ANO3: variants seen among roughly 807,000 people sequenced by gnomAD.
ANO3 encodes anoctamin-3.
ANO3 carries 99 observed loss-of-function variants against 144.8 expected under a neutral mutation model. The ratio of observed to expected loss-of-function variants is 0.68; its 90% CI spans 0.58 to 0.81. The LOEUF is 0.81. ANO3 is among the 30% of genes least tolerant of loss of function. The pLI, the probability that ANO3 is intolerant of heterozygous loss-of-function variation, is 0.00. For synonymous variants in ANO3, 414 were observed against 392.6 expected (o/e 1.05, Z -0.64); for missense variants, 905 against 1,202.2 (o/e 0.75, Z 3.66).
At chr11:26,429,558 T>A (rs1489644303) in intron 1 of ANO3, among the ~76,000 whole-genome samples, 1 of 151,702 alleles carries the variant, frequency 6.6e-6, no homozygotes, top group African/African-American at 2.4e-5. Context: ...ATGTGTAATT[T>A]ATATTAATAA....
intron 3 of ANO3, among the ~76,000 whole-genome samples, chr11:26,444,640 T>A (rs1375602874): frequency 6.6e-6 from 1 of 152,214 alleles, no homozygotes; most frequent in Non-Finnish European, 1.5e-5. Flanking sequence ...GAAATTAGTA[T>A]ACGTACTTTT....
chr11:26,595,410 G>A (rs977980158), intron 14 of ANO3, among the ~76,000 whole-genome samples: 9 of 141,646 alleles, frequency 6.4e-5, no homozygotes, highest in Non-Finnish European at 1.4e-4. Context: ...ATGCGAATTC[G>A]TTTTGGAGAG....
At chr11:26,631,376 G>T (rs1267941851) in intron 18 of ANO3, among the ~76,000 whole-genome samples, 1 of 151,570 alleles carries the variant, frequency 6.6e-6, no homozygotes. Context: ...TCTATATAAG[G>T]CAATATTTAT....
chr11:26,378,847 A>G (rs1856493235), intron 1 of ANO3, among the ~76,000 whole-genome samples: 1 of 152,036 alleles, frequency 6.6e-6, no homozygotes, highest in South Asian at 2.1e-4. Context: ...CATATGATGT[A>G]AGGTGCTTGG....
chr11:26,280,057 A>G (rs1377804639), intron 1 of ANO3, among the ~76,000 whole-genome samples: 2 of 152,140 alleles, frequency 1.3e-5, no homozygotes, highest in Non-Finnish European at 2.9e-5. Flanking sequence ...ACCATTTTTG[A>G]TGATGATCTT....
intron 7 of ANO3, 91 bp from the exon 8 acceptor site, chr11:26,531,114 G>A (rs1849359808): frequency 1.4e-6 from 2 of 1,418,244 alleles, no homozygotes; most frequent in Non-Finnish European, 1.9e-6. Context: ...TTTCAAAGAA[G>A]TTTCTTTAGT....
At chr11:26,540,786 T>C (rs920488825) in intron 10 of ANO3, among the ~76,000 whole-genome samples, 1 of 152,066 alleles carries the variant, frequency 6.6e-6, no homozygotes. Flanking sequence ...CATTAAAAAG[T>C]CAGGAAACAA....
rs1472976942 is a variant in ANO3, at chr11:26,289,610, CAT to C, written c.155-20030_155-20029del. Among the ~76,000 whole-genome samples the C allele has an allele frequency of 3.5e-3, 279 of 79,258 alleles. 4 individuals are homozygous for C. The highest frequency in any genetic ancestry group is 7.0e-3 in the African/African-American group (88 of 12,650). 52.0% of individuals were successfully genotyped at this position (79,258 alleles called of 152,430 possible). A position where few individuals can be genotyped will look rare whatever the true frequency, so the allele number is the denominator to read the frequency against. ...ATGTGTGTATATGTACATATACACA[CAT>C]ATATTCTATATGTGTGTATATGTAC... On this transcript the variant is annotated intron_variant, in intron 1 of 27. Coordinates refer to the ANO3 transcript ENST00000672621.
intron 1 of ANO3, among the ~76,000 whole-genome samples, chr11:26,214,261 T>A (rs186654703): frequency 6.6e-6 from 1 of 151,964 alleles, no homozygotes; most frequent in African/African-American, 2.4e-5. Flanking sequence ...AAAATAATTT[T>A]TTTTTTCTGT....
At chr11:26,188,954 T>C (rs1851426036) in exon 1 of ANO3, among the ~76,000 whole-genome samples, 1 of 152,158 alleles carries the variant, frequency 6.6e-6, no homozygotes, top group Non-Finnish European at 1.5e-5. Flanking sequence ...CTAAAATTCA[T>C]CCATCCTATT....
intron 1 of ANO3, among the ~76,000 whole-genome samples, chr11:26,283,317 AATAAAT>A (rs1256571301): frequency 0.012 from 901 of 77,558 alleles, 20 homozygotes; most frequent in African/African-American, 0.032. Flanking sequence ...TAAACAAATA[AATAAAT>A]ATATATATAT....
At chr11:26,630,771 A>G (rs185844641) in intron 18 of ANO3, among the ~76,000 whole-genome samples, 1 of 152,330 alleles carries the variant, frequency 6.6e-6, no homozygotes, top group Non-Finnish European at 1.5e-5. Context: ...AAAGTGGGTT[A>G]TAGTGTCCTT....
chr11:26,476,871 T>G (rs1182483092), intron 4 of ANO3, among the ~76,000 whole-genome samples: 2 of 149,914 alleles, frequency 1.3e-5, no homozygotes, highest in African/African-American at 2.5e-5. Flanking sequence ...AAAAGCAGGC[T>G]AGAAAGCTGT....
intron 1 of ANO3, among the ~76,000 whole-genome samples, chr11:26,373,790 G>A (rs904972580): frequency 6.6e-6 from 1 of 152,236 alleles, no homozygotes; most frequent in African/African-American, 2.4e-5. Context: ...TAATATAAAA[G>A]TAATTAACAG....
intron 4 of ANO3, among the ~76,000 whole-genome samples, chr11:26,503,643 T>A (rs1021283455): frequency 2.0e-5 from 3 of 152,106 alleles, no homozygotes; most frequent in Admixed American, 6.5e-5. Context: ...TTAGAATTTA[T>A]ATAATAATTA....
intron 6 of ANO3, 132 bp downstream of exon 6, chr11:26,517,059 G>A: frequency 2.1e-6 from 1 of 474,878 alleles, no homozygotes; most frequent in Non-Finnish European, 3.6e-6. Flanking sequence ...CAGTTATTCT[G>A]GACAGTTTTT....
intron 11 of ANO3, among the ~76,000 whole-genome samples, chr11:26,542,907 T>TA (rs918366080): frequency 6.6e-6 from 1 of 152,090 alleles, no homozygotes; most frequent in Non-Finnish European, 1.5e-5. Context: ...TTATGAAATA[T>TA]AAACATCAAG....
chr11:26,220,679 T>C (rs149969839), intron 1 of ANO3, among the ~76,000 whole-genome samples: 1,986 of 152,316 alleles, frequency 0.013, 89 homozygotes, highest in Admixed American at 0.097. Flanking sequence ...CTCATGATCA[T>C]TGACTCCTAT....
At chr11:26,615,414 A>ATATATATATATATATATATATT (rs1352935016) in intron 17 of ANO3, among the ~76,000 whole-genome samples, 1 of 130,700 alleles carries the variant, frequency 7.7e-6, no homozygotes. Context: ...ATATATATAT[A>ATATATATATATATATATATATT]TTTTTTTTTT....
Sources: gnomAD v4.1 joint callset for allele counts (sites outside exome capture counted in the v4.1 genomes callset) on GRCh38, gnomAD v4.1.1 for gene constraint, MANE v1.5 for transcripts, NCBI Gene and HGNC (gene_info 2026-07-23, HGNC 2026-07-21) for gene names.